The following TRIM46 variants were observed in gnomAD, a reference collection of about 807,000 sequenced individuals.
TRIM46 encodes tripartite motif containing 46.
Under a neutral mutation model 69.7 loss-of-function variants are expected in TRIM46, and 17 were observed. The observed-to-expected ratio is 0.24, with a 90% CI of 0.17 to 0.37. The LOEUF is 0.37. Among genes scored for constraint, TRIM46 ranks in the 10% least tolerant of loss-of-function variants. TRIM46 has a pLI of 1.00. For synonymous variants in TRIM46, 391 were observed against 429.0 expected, an observed-to-expected ratio of 0.91 and a Z score of 1.09; for missense variants, 675 against 1,025.1, an observed-to-expected ratio of 0.66 and a Z score of 4.66.
At chr1:155,180,204 T>A (rs978754499) in intron 8 of TRIM46, among the ~76,000 whole-genome samples, 1 of 152,226 alleles carries the variant, frequency 6.6e-6, no homozygotes, top group Non-Finnish European at 1.5e-5. Context: ...CAGCGGCTCA[T>A]GCCTGTAATC....
rs756538793 is a variant in TRIM46, at chr1:155,179,710, A to G, written c.1364A>G (p.His455Arg). ...QIFLCWRLPP[H>R]SPPAWHYTVE... is the part of the protein sequence containing the mutation. ...TTCCTGTGCTGGCGGCTGCCCCCCCATTCACCACCTGCCTGGCACTATACC... is the reference window on the plus strand; with the variant it reads ...TTCCTGTGCTGGCGGCTGCCCCCCCGTTCACCACCTGCCTGGCACTATACC... The change falls in exon 8 of 10, where the codon CAT becomes CGT. Residue 455 changes from histidine (H) to arginine (R), a missense_variant. Coordinates refer to ENST00000334634, the MANE Select transcript of TRIM46 (RefSeq NM_025058.5). 1 of 1,613,316 alleles carries G rather than the reference A, an allele frequency of 6.2e-7. No individual in the cohort carries two copies.
At chr1:155,178,723 C>T in intron 7 of TRIM46, 110 bp downstream of exon 7, 2 of 1,533,976 alleles carry the variant, frequency 1.3e-6, no homozygotes, top group Middle Eastern at 1.9e-4. Context: ...TCCTGCCCGG[C>T]CTGGCCAGCC....
chr1:155,178,456 A>T (rs897045040), intron 6 of TRIM46, 36 bp from the exon 7 acceptor site: 3 of 1,612,344 alleles, frequency 1.9e-6, no homozygotes, highest in Non-Finnish European at 2.5e-6. Flanking sequence ...GACTGCCCAC[A>T]TGGCAGTGCC....
In TRIM46 at chr1:155,177,237, G is replaced by A. The variant is rs1228798119; in HGVS notation, c.856G>A (p.Asp286Asn). The part of the protein sequence containing the change: ...KSLTYILGNQ[D>N]TVQTQICELE... ...CCTGACATACATCCTGGGAAACCAGGACACGGTACAGACCCAGATCTGTGA... is the reference window on the plus strand; with the variant it reads ...CCTGACATACATCCTGGGAAACCAGAACACGGTACAGACCCAGATCTGTGA... Residue 286 changes from aspartate to asparagine, a missense_variant, in exon 5 of 10, where the codon GAC becomes AAC. Physicochemically the swap from Asp to Asn is conservative, Grantham distance 23. Transcript: ENST00000334634. 2 of 1,614,172 alleles carry A rather than the reference G, an allele frequency of 1.2e-6. No individual in the cohort carries two copies. The highest frequency in any genetic ancestry group is 1.7e-5 in the Admixed American group (1 of 60,030).
rs1666087876 is a variant in TRIM46 at position 155,180,578 on chromosome 1, G to A, written c.1588+644G>A. 3.9e-5 allele frequency: 10 copies of A among 253,570 alleles called. No homozygotes were observed. The South Asian group carries it at 1.7e-3, about 43-fold the overall frequency. 15.7% of individuals were successfully genotyped at this position (253,570 alleles called of 1,614,324 possible). A position where few individuals can be genotyped will look rare whatever the true frequency, so the allele number is the denominator to read the frequency against. On this transcript the variant is annotated intron_variant, in intron 8 of 9. Coordinates refer to ENST00000334634, the MANE Select transcript of TRIM46 (RefSeq NM_025058.5). The stretch of plus-strand genomic sequence containing the variant: ...CCACTGGACTCCAGCCTGGACAACA[G>A]AGCAAGACTCCGACGTCTCGGAAAA...
intron 7 of TRIM46, 124 bp from the exon 8 acceptor site, chr1:155,179,508 C>T: frequency 4.8e-6 from 4 of 835,174 alleles, no homozygotes. Flanking sequence ...AGCCCTTCCC[C>T]AGCTCCCTCT....
At position 155,184,282 on chromosome 1, in the gene TRIM46, C is replaced by A. The variant is rs1369801679; in HGVS notation, c.*92C>A. On this transcript the variant is annotated 3_prime_UTR_variant, in exon 10 of 10. Coordinates refer to ENST00000334634, the MANE Select transcript of TRIM46 (RefSeq NM_025058.5). This position sits in a 1 kb window ranked among gnomAD's most constrained non-coding sequence, Gnocchi z 5.6. ...CGGTTGTTACCCCCTGGCAGCTTCT[C>A]CCCCAAACTCTCCTACCATGTGGCC... is the stretch of plus-strand genomic sequence containing the variant. The A allele has an allele frequency of 2.3e-6, 3 of 1,332,640 alleles. No individual in the cohort carries two copies. Among genetic ancestry groups the A allele is most frequent in the Non-Finnish European group, 3.0e-6 (3 of 1,000,382 alleles). 82.6% of individuals were successfully genotyped at this position (1,332,640 alleles called of 1,614,324 possible). A position where few individuals can be genotyped will look rare whatever the true frequency, so the allele number is the denominator to read the frequency against.
Position 155,178,075 on chromosome 1 carries a change from G to A in TRIM46, c.983G>A (p.Arg328Gln), listed in dbSNP as rs1379792670. 25 of 1,613,868 alleles carry A rather than the reference G, an allele frequency of 1.5e-5. No individual in the cohort carries two copies. The highest frequency in any genetic ancestry group is 1.7e-4 in the Middle Eastern group (1 of 5,978). Residue 328 changes from arginine to glutamine, a missense_variant, in exon 6 of 10, where the codon CGG becomes CAG. This residue lies in a region of TRIM46 where 361 missense variants were observed against 498.3 expected (regional missense o/e 0.72). Transcript: ENST00000334634. ...CTGGGGGCTGTGCTGGAGGAGAAGC[G>A]GGCATCACTGCTTCAGGCCATTGAA... is the stretch of plus-strand genomic sequence containing the variant. ...RGLGAVLEEKRASLLQAIEEC... is the reference protein window; with the variant it reads ...RGLGAVLEEKQASLLQAIEEC...
At position 155,181,964 on chromosome 1, in the gene TRIM46, T is replaced by C. The variant is rs1312876322; in HGVS notation, c.1701T>C (p.Ala567=). ...SVPGLPLLLA[A]DRLLTGCHLS... ...CAGGGCTGCCCCTGCTGCTGGCTGC[T>C]GACCGGCTGCTGACCGGCTGCCACC... The change falls in exon 9 of 10, where the codon GCT becomes GCC. Residue 567 remains alanine (A), a synonymous_variant. Coordinates refer to ENST00000334634, the MANE Select transcript of TRIM46 (RefSeq NM_025058.5). The surrounding 1 kb of genome is among the most constrained non-coding windows in gnomAD (Gnocchi z 4.3). 6.2e-7 allele frequency: 1 copy of C among 1,613,974 alleles called. No individual in the cohort carries two copies. Among genetic ancestry groups the C allele is most frequent in the African/African-American group, 1.3e-5 (1 of 75,060 alleles).
chr1:155,183,874 C>A lies in TRIM46; in HGVS notation c.1964C>A (p.Thr655Asn). The change falls in exon 10 of 10, where the codon ACC (threonine) becomes AAC (asparagine). Residue 655 changes from threonine to asparagine, a missense_variant. Physicochemically the swap from Thr to Asn is moderately conservative, Grantham distance 65. Around this residue, in one of 5 missense-constraint regions of TRIM46, gnomAD observed 108 missense variants for 153.0 expected, o/e 0.71. Transcript: ENST00000334634. ...GCGTCGCCACCCTTCGCTTTCCTAA[C>A]CATTGGCATGGGCAAGATCCTGCTG... ...VEASPPFAFL[T>N]IGMGKILLGS... 4 of 1,613,262 alleles carry A rather than the reference C, an allele frequency of 2.5e-6. No homozygotes were observed. The highest frequency in any genetic ancestry group is 3.4e-6 in the Non-Finnish European group (4 of 1,180,034).
At position 155,184,268 on chromosome 1, in the gene TRIM46, C is replaced by G; in HGVS notation, c.*78C>G. 7.0e-7 allele frequency: 1 copy of G among 1,421,574 alleles called. No homozygotes were observed. Among genetic ancestry groups the G allele is most frequent in the South Asian group, 1.5e-5 (1 of 68,338 alleles). The allele number at this position is 1,421,574 out of a possible 1,614,324, so 88.1% of individuals were successfully genotyped here. ...AACCTCTTGGCACCCGGTTGTTACC[C>G]CCTGGCAGCTTCTCCCCCAAACTCT... On this transcript the variant is annotated 3_prime_UTR_variant, in exon 10 of 10. Coordinates refer to ENST00000334634, the MANE Select transcript of TRIM46 (RefSeq NM_025058.5). The surrounding 1 kb of genome is among the most constrained non-coding windows in gnomAD (Gnocchi z 5.6).
At chr1:155,183,561 G>A (rs1666338892) in intron 9 of TRIM46, among the ~76,000 whole-genome samples, 1 of 151,962 alleles carries the variant, frequency 6.6e-6, no homozygotes, top group South Asian at 2.1e-4. Context: ...TGTCTTTCCT[G>A]TCCGCCTGCC....
chr1:155,174,556 C>A (rs577024416), intron 1 of TRIM46: 7 of 1,479,770 alleles, frequency 4.7e-6, no homozygotes, highest in East Asian at 2.5e-5. Context: ...TGTTCCCCCC[C>A]ACCACTTCCT....
chr1:155,177,866 G>A (rs954253400), intron 5 of TRIM46, 136 bp from the exon 6 acceptor site: 3 of 1,305,682 alleles, frequency 2.3e-6, no homozygotes, highest in Non-Finnish European at 3.1e-6. Flanking sequence ...AGGCCCTGTA[G>A]GAATGGGTGA....
Position 155,184,193 on chromosome 1 carries a change from C to T in TRIM46, c.*3C>T, listed in dbSNP as rs202214760. 55 of 1,594,236 alleles carry T rather than the reference C, an allele frequency of 3.4e-5. No individual in the cohort carries two copies. The East Asian group carries it at 1.1e-3, about 33-fold the overall frequency. On this transcript the variant is annotated 3_prime_UTR_variant, in exon 10 of 10. Coordinates refer to ENST00000334634, the MANE Select transcript of TRIM46 (RefSeq NM_025058.5). The surrounding 1 kb of genome is among the most constrained non-coding windows in gnomAD (Gnocchi z 5.6). The stretch of plus-strand genomic sequence containing the variant: ...GGGGCTTCGCCAAGCTGGACTGAGC[C>T]TTCCAGGCCCCTCATGCAGACCTGG...
In TRIM46 at chr1:155,182,088, G is replaced by A. The variant is rs753412148; in HGVS notation, c.1825G>A (p.Val609Ile). 12 of 1,614,076 alleles carry A rather than the reference G, an allele frequency of 7.4e-6. No individual in the cohort carries two copies. Among genetic ancestry groups the A allele is most frequent in the East Asian group, 2.2e-5 (1 of 44,888 alleles). ...AGCCTCCTACTTGGTCAAGGTGGGC[G>A]TCGGGCTGGAGAGCAAGCTTCAAGA... ...DPASYLVKVG[V>I]GLESKLQESF... Residue 609 changes from valine to isoleucine, a missense_variant, in exon 9 of 10, where the codon GTC (valine) becomes ATC (isoleucine). Physicochemically the swap from Val to Ile is conservative, Grantham distance 29 (BLOSUM62 3). Coordinates refer to ENST00000334634, the MANE Select transcript of TRIM46 (RefSeq NM_025058.5).
intron 6 of TRIM46, 32 bp from the exon 7 acceptor site, chr1:155,178,460 C>A (rs1665864612): frequency 6.2e-7 from 1 of 1,612,694 alleles, no homozygotes; most frequent in Non-Finnish European, 8.5e-7. Context: ...GCCCACATGG[C>A]AGTGCCTGAC....
intron 5 of TRIM46, 91 bp downstream of exon 5, chr1:155,177,381 G>A: frequency 8.6e-7 from 1 of 1,156,922 alleles, no homozygotes; most frequent in Admixed American, 1.8e-5. Flanking sequence ...TCACCTTGTT[G>A]CTAGCTCAGG....
intron 1 of TRIM46, chr1:155,174,355 G>T: frequency 3.5e-6 from 1 of 287,468 alleles, no homozygotes; most frequent in Non-Finnish European, 5.2e-6. Flanking sequence ...GAAGAGGGAC[G>T]TGTGAGCTTG....
Sources: allele counts gnomAD v4.1 joint callset (sites outside exome capture counted in the v4.1 genomes callset), GRCh38; gene constraint gnomAD v4.1.1; regional missense constraint gnomAD v4.1.1; non-coding constraint Gnocchi (gnomAD v3.1); transcripts MANE v1.5; gene names NCBI Gene and HGNC (gene_info 2026-07-23, HGNC 2026-07-21).